The following OSBPL10 variants were observed in gnomAD, a reference collection of about 807,000 sequenced individuals.
OSBPL10 encodes oxysterol-binding protein-related protein 10.
Under a neutral mutation model 81.7 loss-of-function variants are expected in OSBPL10, and 49 were observed. The observed-to-expected ratio is 0.60, with a 90% CI of 0.48 to 0.76. OSBPL10 has a LOEUF of 0.76. Ranked by LOEUF, OSBPL10 falls within the 30% of genes least tolerant of loss-of-function variation. OSBPL10 has a pLI of 0.00. For missense variants in OSBPL10, 923 were observed against 987.8 expected (o/e 0.93, Z 0.88); for synonymous variants, 419 against 383.6 (o/e 1.09, Z -1.08).
At chr3:31,981,875 G>A (rs1377447198), upstream of OSBPL10, 3 of 152,320 alleles carry the variant, frequency 2.0e-5, no homozygotes, top group African/African-American at 7.2e-5. This position sits in a 1 kb window ranked among gnomAD's most constrained non-coding sequence, Gnocchi z 4.5. Flanking sequence ...GTCTGGCGGA[G>A]GAGGGGAGTG....
intron 2 of OSBPL10, among the ~76,000 whole-genome samples, chr3:32,012,872 C>A (rs1257284121): frequency 1.3e-5 from 2 of 152,140 alleles, no homozygotes; most frequent in African/African-American, 4.8e-5. Flanking sequence ...GTAAAGGGAT[C>A]AATTCAACAA....
chr3:31,770,262 G>A (rs1698339818), intron 4 of OSBPL10, among the ~76,000 whole-genome samples: 1 of 152,064 alleles, frequency 6.6e-6, no homozygotes. Context: ...AAAAAGTTGG[G>A]GGACGGGGGT....
Position 31,661,902 on chromosome 3 carries a change from T to A in OSBPL10, c.*170A>T. ...TGGCTCTTGAATAAATTCATTCCTCTAGCAGAGTGTGGGGGTGCACTTTTC... is the reference window on the plus strand; with the variant it reads ...TGGCTCTTGAATAAATTCATTCCTCAAGCAGAGTGTGGGGGTGCACTTTTC... On this transcript the variant is annotated 3_prime_UTR_variant, in exon 12 of 12. Coordinates refer to ENST00000396556, the MANE Select transcript of OSBPL10 (RefSeq NM_017784.5). 1.0e-6 allele frequency: 1 copy of A among 961,502 alleles called. No homozygotes were observed. The highest frequency in any genetic ancestry group is 1.5e-6 in the Non-Finnish European group (1 of 660,792). The allele number at this position is 961,502 out of a possible 1,614,324, so 59.6% of individuals were successfully genotyped here.
Position 31,770,991 on chromosome 3 carries a change from C to T in OSBPL10, c.730-22871G>A, listed in dbSNP as rs925258472. Among the ~76,000 whole-genome samples, 3 of 152,248 alleles carry T rather than the reference C, an allele frequency of 2.0e-5. No individual in the cohort carries two copies. The East Asian group carries it at 5.8e-4, about 29-fold the overall frequency. ...ACCACTTATTAACTGTAATCTTGGG[C>T]ATGTTTAATCTTCCTTGGCCTCAGT... On this transcript the variant is annotated intron_variant, in intron 4 of 11. Coordinates refer to ENST00000396556, the MANE Select transcript of OSBPL10 (RefSeq NM_017784.5).
chr3:31,684,456 G>A (rs1700739861), intron 7 of OSBPL10, among the ~76,000 whole-genome samples: 1 of 152,210 alleles, frequency 6.6e-6, no homozygotes, highest in Non-Finnish European at 1.5e-5. Context: ...CAGCCTGGAA[G>A]GGCTTTTCTG....
chr3:31,706,558 G>A (rs1345913523), intron 6 of OSBPL10, among the ~76,000 whole-genome samples: 2 of 152,064 alleles, frequency 1.3e-5, no homozygotes, highest in African/African-American at 4.8e-5. Context: ...AGGAGAAGGA[G>A]ATATATGGGG....
chr3:31,876,315 A>C, intron 3 of OSBPL10, 118 bp downstream of exon 3: 1 of 788,598 alleles, frequency 1.3e-6, no homozygotes, highest in Non-Finnish European at 2.1e-6. Flanking sequence ...TAGGAATTCC[A>C]CTGCAGTGGG....
chr3:31,667,132 T>G (rs957964072), intron 10 of OSBPL10, among the ~76,000 whole-genome samples: 12 of 152,358 alleles, frequency 7.9e-5, no homozygotes, highest in Admixed American at 3.3e-4. Flanking sequence ...AGTTTTGTTC[T>G]CAATAGCTGG....
intron 1 of OSBPL10, among the ~76,000 whole-genome samples, chr3:31,883,335 G>T (rs1695642328): frequency 6.6e-6 from 1 of 151,766 alleles, no homozygotes; most frequent in South Asian, 2.1e-4. Flanking sequence ...CACTTCCCAG[G>T]TTCAAGTGAT....
At chr3:31,930,486 G>A (rs1697209467) in intron 1 of OSBPL10, among the ~76,000 whole-genome samples, 1 of 152,142 alleles carries the variant, frequency 6.6e-6, no homozygotes, top group African/African-American at 2.4e-5. Flanking sequence ...AGAAATAGGT[G>A]CACATGCGAG....
In OSBPL10 at chr3:31,848,339, G is replaced by GC. The variant is rs200653002; in HGVS notation, c.538-18109dup. On this transcript the variant is annotated intron_variant, in intron 3 of 11. Coordinates refer to ENST00000396556, the MANE Select transcript of OSBPL10 (RefSeq NM_017784.5). ...TTCACATCTCTCTTTCCCACTACAA[G>GC]CCCCCCCCAGTTAGTTCAAATACAG... is the stretch of plus-strand genomic sequence containing the variant. Among the ~76,000 whole-genome samples, 615 of 150,244 alleles carry GC rather than the reference G, an allele frequency of 4.1e-3. 4 individuals carry two copies. Among genetic ancestry groups the GC allele is most frequent in the African/African-American group, 0.012 (497 of 40,878 alleles).
chr3:31,766,812 A>G (rs1475347691), intron 4 of OSBPL10, among the ~76,000 whole-genome samples: 1 of 152,230 alleles, frequency 6.6e-6, no homozygotes, highest in Non-Finnish European at 1.5e-5. Context: ...CATGACATGA[A>G]TGCCAGGTTA....
At chr3:31,952,470 A>G (rs1697896127) in intron 1 of OSBPL10, among the ~76,000 whole-genome samples, 1 of 152,170 alleles carries the variant, frequency 6.6e-6, no homozygotes. Flanking sequence ...CTGCAGTTCA[A>G]CCACTGCTGT....
intron 4 of OSBPL10, chr3:31,797,606 C>A (rs945754688): frequency 1.6e-5 from 5 of 321,494 alleles, no homozygotes; most frequent in African/African-American, 8.8e-5. Flanking sequence ...ATTTCCATCC[C>A]TCCAAACTAC....
intron 3 of OSBPL10, among the ~76,000 whole-genome samples, chr3:31,854,014 A>T (rs1700839829): frequency 6.6e-6 from 1 of 152,246 alleles, no homozygotes; most frequent in Non-Finnish European, 1.5e-5. Flanking sequence ...AGTACTTAAC[A>T]CTGCGCCTGG....
At chr3:31,867,104 T>C (rs1308469276) in intron 3 of OSBPL10, among the ~76,000 whole-genome samples, 1 of 152,134 alleles carries the variant, frequency 6.6e-6, no homozygotes, top group African/African-American at 2.4e-5. Flanking sequence ...GTCTTCACAC[T>C]CTTTACACAG....
intron 4 of OSBPL10, among the ~76,000 whole-genome samples, chr3:31,759,605 G>A (rs575040940): frequency 4.6e-5 from 7 of 152,114 alleles, no homozygotes; most frequent in Admixed American, 1.3e-4. Context: ...CAACTTGAGG[G>A]CAGAAGATCC....
chr3:31,688,265 AAT>A (rs1700843437), intron 7 of OSBPL10, among the ~76,000 whole-genome samples: 2 of 89,786 alleles, frequency 2.2e-5, no homozygotes, highest in African/African-American at 4.3e-5. Context: ...TCCCTGCACA[AAT>A]CTCTCTCTCT....
intron 7 of OSBPL10, among the ~76,000 whole-genome samples, chr3:31,688,281 T>TCA (rs1380099717): frequency 0.27 from 30,694 of 112,736 alleles, 3,888 homozygotes; most frequent in Non-Finnish European, 0.34. Flanking sequence ...TCTCTCTCTC[T>TCA]CTCACACACA....
Sources: gnomAD v4.1 joint callset for allele counts (sites outside exome capture counted in the v4.1 genomes callset) on GRCh38, gnomAD v4.1.1 for gene constraint, Gnocchi (gnomAD v3.1) non-coding constraint, MANE v1.5 for transcripts, NCBI Gene and HGNC (gene_info 2026-07-23, HGNC 2026-07-21) for gene names.